The following UBN1 variants were observed in gnomAD, a reference collection of about 807,000 sequenced individuals.
UBN1 encodes ubinuclein-1.
In UBN1, 17 loss-of-function variants were observed where a neutral mutation model predicts 108.5. The observed-to-expected ratio is 0.16, with a 90% confidence interval of 0.11 to 0.24. The LOEUF (loss-of-function observed/expected upper bound fraction) is 0.24. Ranked by LOEUF, UBN1 falls within the 10% of genes least tolerant of loss-of-function variation. The probability of loss-of-function intolerance (pLI) is 1.00; values close to 1 mark genes in which losing one functional copy is unlikely to be tolerated. For missense variants in UBN1, 1,595 were observed against 1,394.4 expected, an observed-to-expected ratio of 1.14 and a Z score of -2.29; for synonymous variants, 726 against 564.2, an observed-to-expected ratio of 1.29 and a Z score of -4.07.
rs779457943 is a variant in UBN1 at position 4,875,314 on chromosome 16, C to T, written c.2904C>T (p.Ala968=). The T allele has an allele frequency of 2.5e-6, 4 of 1,614,188 alleles. No individual in the cohort carries two copies. The highest frequency in any genetic ancestry group is 1.6e-4 in the Middle Eastern group (1 of 6,062). Residue 968 remains alanine, a synonymous_variant, in exon 15 of 18, where the codon GCC becomes GCT. Transcript: ENST00000262376. ...TTTCCCAGAAGTTGACTCTGGTAGCCCCTCCAGGCGGTCCAAACGGAGATT... is the reference window on the plus strand; with the variant it reads ...TTTCCCAGAAGTTGACTCTGGTAGCTCCTCCAGGCGGTCCAAACGGAGATT... ...MPVSQKLTLV[A]PPGGPNGDSS...
In UBN1 at chr16:4,874,807, G is replaced by T. The variant is rs778290533; in HGVS notation, c.2397G>T (p.Val799=). The T allele has an allele frequency of 5.6e-6, 9 of 1,614,068 alleles. No individual in the cohort carries two copies. Among genetic ancestry groups the T allele is most frequent in the Non-Finnish European group, 7.6e-6 (9 of 1,180,048 alleles). The change falls in exon 15 of 18, where the codon GTG becomes GTT. Residue 799 remains valine (V), a synonymous_variant. Transcript: ENST00000262376. ...TSHGPQVAVP[V]PGPQVKVFHA... Reference sequence around the variant, plus strand: ...ACGGGCCCCAAGTGGCAGTTCCTGTGCCTGGCCCCCAGGTCAAAGTCTTTC... The same window carrying T: ...ACGGGCCCCAAGTGGCAGTTCCTGTTCCTGGCCCCCAGGTCAAAGTCTTTC...
chr16:4,851,662 T>G (rs1567879040), intron 1 of UBN1, among the ~76,000 whole-genome samples: 2 of 151,788 alleles, frequency 1.3e-5, no homozygotes, highest in Admixed American at 1.3e-4. Flanking sequence ...CTACAAAAAA[T>G]AGAAAAAATT....
chr16:4,873,578 C>G (rs1358782889), intron 14 of UBN1, among the ~76,000 whole-genome samples: 1 of 152,144 alleles, frequency 6.6e-6, no homozygotes, highest in African/African-American at 2.4e-5. Flanking sequence ...ACATTTTTCC[C>G]AGTTCTTAGT....
At position 4,877,418 on chromosome 16, in the gene UBN1, A is replaced by T; in HGVS notation, c.3299A>T (p.His1100Leu). The T allele has an allele frequency of 6.2e-7, 1 of 1,612,570 alleles. No individual in the cohort carries two copies. ...LLAGLHSSPP[H>L]AAPLPHAAVP... ...GCTGGCTTGCACTCCAGCCCGCCCC[A>T]TGCAGCGCCTCTCCCACACGCTGCG... is the stretch of plus-strand genomic sequence containing the variant. Residue 1100 changes from histidine to leucine, a missense_variant, in exon 17 of 18, where the codon CAT (histidine) becomes CTT (leucine). By Grantham distance (99) the His-to-Leu change is moderately conservative. Coordinates refer to ENST00000262376, the MANE Select transcript of UBN1 (RefSeq NM_001079514.3). The surrounding 1 kb of genome is among the most constrained non-coding windows in gnomAD (Gnocchi z 4.3).
At position 4,858,016 on chromosome 16, in the gene UBN1, T is replaced by A; in HGVS notation, c.276T>A (p.Asn92Lys). 3 of 1,613,300 alleles carry A rather than the reference T, an allele frequency of 1.9e-6. No homozygotes were observed. Among genetic ancestry groups the A allele is most frequent in the Non-Finnish European group, 2.5e-6 (3 of 1,179,770 alleles). The change falls in exon 3 of 18, where the codon AAT becomes AAA. Residue 92 changes from asparagine (N) to lysine (K), a missense_variant. Asn to Lys is a moderately conservative substitution (Grantham distance 94). Around this residue, in one of 3 missense-constraint regions of UBN1, gnomAD observed 181 missense variants for 157.3 expected, o/e 1.15. Transcript: ENST00000262376. Reference sequence around the variant, plus strand: ...AGAAAGATCTGTCAGATCCTTTCAATGACGAAGAAAAGGAAAGGCATAAAG... The same window carrying A: ...AGAAAGATCTGTCAGATCCTTTCAAAGACGAAGAAAAGGAAAGGCATAAAG... ...DKKKDLSDPF[N>K]DEEKERHKVE...
chr16:4,876,883 G>A lies in UBN1; in HGVS notation c.3037G>A (p.Gly1013Arg), dbSNP rs1487035582. 6.2e-7 allele frequency: 1 copy of A among 1,605,024 alleles called. No individual in the cohort carries two copies. Among genetic ancestry groups the A allele is most frequent in the African/African-American group, 1.3e-5 (1 of 74,676 alleles). The change falls in exon 16 of 18, where the codon GGG (glycine) becomes AGG (arginine). Residue 1013 changes from glycine to arginine, a missense_variant. Gly to Arg is a moderately radical substitution (Grantham distance 125, BLOSUM62 -2). Transcript: ENST00000262376. ...SSTSLSKGAS[G>R]TVLLAGSSLM... ...GTTTCTTCCCTAGAAAGGAGCGAGT[G>A]GGACTGTGCTGCTGGCCGGCTCCTC...
At chr16:4,870,727 T>C (rs754134156) in intron 10 of UBN1, 93 bp downstream of exon 10, 67 of 1,585,018 alleles carry the variant, frequency 4.2e-5, no homozygotes, top group Non-Finnish European at 5.4e-5. Flanking sequence ...CCAAGGAGCC[T>C]CTTGGCTCTT....
At chr16:4,858,280 CAA>C (rs895071742) in intron 3 of UBN1, among the ~76,000 whole-genome samples, 1 of 152,172 alleles carries the variant, frequency 6.6e-6, no homozygotes, top group Non-Finnish European at 1.5e-5. Context: ...GCTAACTGGA[CAA>C]ATAACCGAGA....
At position 4,860,683 on chromosome 16, in the gene UBN1, A is replaced by G. The variant is rs746851770; in HGVS notation, c.691A>G (p.Ser231Gly). ...SKAGFTALNA[S>G]KEKKKKKYSG... ...TTGCAGCTTCACAGCCCTCAATGCCAGTAAGGAGAAGAAGAAGAAGAAATA... is the reference window on the plus strand; with the variant it reads ...TTGCAGCTTCACAGCCCTCAATGCCGGTAAGGAGAAGAAGAAGAAGAAATA... The change falls in exon 7 of 18, where the codon AGT becomes GGT. Residue 231 changes from serine to glycine, a missense_variant. Ser to Gly is a moderately conservative substitution (Grantham distance 56). Around this residue, in one of 3 missense-constraint regions of UBN1, gnomAD observed 1,398 missense variants for 1,194.7 expected, o/e 1.17. Transcript: ENST00000262376. 3 of 1,612,744 alleles carry G rather than the reference A, an allele frequency of 1.9e-6. No homozygotes were observed. Among genetic ancestry groups the G allele is most frequent in the South Asian group, 1.1e-5 (1 of 90,984 alleles).
chr16:4,860,567 C>T lies in UBN1; in HGVS notation c.672-97C>T, dbSNP rs1363753346. The T allele has an allele frequency of 3.5e-5, 45 of 1,277,666 alleles. No homozygotes were observed. The East Asian group carries it at 1.0e-3, about 29-fold the overall frequency. The allele number at this position is 1,277,666 out of a possible 1,614,324, so 79.1% of individuals were successfully genotyped here. ...ACAGGGTGGACTGTGACAGGTTCTC[C>T]TGGAGACCATGACCCTGGGAGCAGG... On this transcript the variant is annotated intron_variant, in intron 6 of 17. Transcript: ENST00000262376.
intron 15 of UBN1, among the ~76,000 whole-genome samples, chr16:4,875,832 G>C (rs893819528): frequency 6.6e-6 from 1 of 152,196 alleles, no homozygotes; most frequent in Admixed American, 6.5e-5. Context: ...CATGGACCAG[G>C]AATAGCAGGA....
rs138346663 is a variant in UBN1 at position 4,871,259 on chromosome 16, C to A, written c.1664C>A (p.Ala555Glu). ...WEDCVKGFLD[A>E]EVKPLWPKGW... ...GACTGTGTGAAGGGCTTTCTGGATGCGGAAGTCAAGCCCCTCTGGCCCAAA... is the reference window on the plus strand; with the variant it reads ...GACTGTGTGAAGGGCTTTCTGGATGAGGAAGTCAAGCCCCTCTGGCCCAAA... The change falls in exon 12 of 18, where the codon GCG (alanine) becomes GAG (glutamate). Residue 555 changes from alanine (A) to glutamate (E), a missense_variant. Physicochemically the swap from Ala to Glu is moderately radical, Grantham distance 107. Transcript: ENST00000262376. The A allele has an allele frequency of 1.9e-6, 3 of 1,614,180 alleles. No homozygotes were observed. The highest frequency in any genetic ancestry group is 2.2e-5 in the East Asian group (1 of 44,878).
At chr16:4,856,979 T>C (rs897909561) in intron 2 of UBN1, among the ~76,000 whole-genome samples, 2 of 152,096 alleles carry the variant, frequency 1.3e-5, no homozygotes, top group African/African-American at 4.8e-5. Context: ...AGGCATACAG[T>C]CTTTAGTGTT....
chr16:4,872,384 C>T, intron 12 of UBN1: 2 of 983,238 alleles, frequency 2.0e-6, no homozygotes, highest in Non-Finnish European at 2.4e-6. Context: ...CTTTGGGCAG[C>T]CAGTGTGTCC....
intron 9 of UBN1, 68 bp downstream of exon 9, chr16:4,870,409 A>G: frequency 1.2e-6 from 2 of 1,610,256 alleles, no homozygotes; most frequent in Non-Finnish European, 8.5e-7. Context: ...AGTCTTAAGC[A>G]ATGATGCGTC....
chr16:4,861,167 C>T (rs992247929), intron 7 of UBN1, 65 bp downstream of exon 7: 4 of 1,508,160 alleles, frequency 2.7e-6, no homozygotes, highest in Non-Finnish European at 2.7e-6. Flanking sequence ...GTTGGTTCTG[C>T]ACTGCGTGAA....
chr16:4,857,022 G>A (rs115174695), intron 2 of UBN1, among the ~76,000 whole-genome samples: 65 of 152,076 alleles, frequency 4.3e-4, no homozygotes, highest in African/African-American at 1.4e-3. Flanking sequence ...AACATACTTC[G>A]TACAGGAGTC....
chr16:4,869,544 C>G (rs1324321825), intron 8 of UBN1, among the ~76,000 whole-genome samples: 1 of 152,224 alleles, frequency 6.6e-6, no homozygotes, highest in African/African-American at 2.4e-5. Context: ...TGCTCAACAG[C>G]TGAGGAGTTT....
At position 4,870,949 on chromosome 16, in the gene UBN1, G is replaced by A. The variant is rs1487979124; in HGVS notation, c.1536G>A (p.Lys512=). Residue 512 remains lysine, a synonymous_variant, in exon 11 of 18, where the codon AAG becomes AAA. Transcript: ENST00000262376. ...GGAGGATAATGGGACCTCGGAAGAA[G>A]TTCCAATGGAATGATGAGATCAGGT... ...GGRRIMGPRK[K]FQWNDEIREL... 3.1e-6 allele frequency: 5 copies of A among 1,614,072 alleles called. No individual in the cohort carries two copies. In the Admixed American group the frequency reaches 6.7e-5, roughly 22 times the overall value.
Sources: allele counts gnomAD v4.1 joint callset (sites outside exome capture counted in the v4.1 genomes callset), GRCh38; gene constraint gnomAD v4.1.1; regional missense constraint gnomAD v4.1.1; non-coding constraint Gnocchi (gnomAD v3.1); transcripts MANE v1.5; gene names NCBI Gene and HGNC (gene_info 2026-07-23, HGNC 2026-07-21).